MANSC1: variants seen among roughly 807,000 people sequenced by gnomAD.
MANSC1 encodes the protein MANSC domain-containing protein 1.
In MANSC1, 13 loss-of-function variants were observed where a neutral mutation model predicts 14.1. The observed-to-expected ratio is 0.92, with a 90% CI of 0.60 to 1.46. MANSC1 has a LOEUF of 1.46. Ranked by LOEUF, MANSC1 falls within the 40% of genes most tolerant of loss-of-function variation. The pLI is 0.00. For missense variants in MANSC1, 486 were observed against 511.4 expected, an observed-to-expected ratio of 0.95 and a Z score of 0.48; for synonymous variants, 227 against 200.7, an observed-to-expected ratio of 1.13 and a Z score of -1.11.
rs1392706987 is a variant in MANSC1 at position 12,327,716 on chromosome 12, T to C, written c.*2311A>G. 6.6e-6 allele frequency: 1 copy of C among 152,258 alleles called. No homozygotes were observed. Among genetic ancestry groups the C allele is most frequent in the Non-Finnish European group, 1.5e-5 (1 of 68,046 alleles). 9.4% of individuals were successfully genotyped at this position (152,258 alleles called of 1,614,324 possible). A position where few individuals can be genotyped will look rare whatever the true frequency, so the allele number is the denominator to read the frequency against. On this transcript the variant is annotated 3_prime_UTR_variant, in exon 4 of 4. Transcript: ENST00000535902. ...AAGTTAAATTGACTCAAGGTTTTAT[T>C]TATTCAGCCTACTTAAAGCTTATGT...
At chr12:12,342,308 TG>T (rs1862944527) in intron 2 of MANSC1, among the ~76,000 whole-genome samples, 2 of 152,262 alleles carry the variant, frequency 1.3e-5, no homozygotes, top group Non-Finnish European at 2.9e-5. Flanking sequence ...GTTTTCTCTC[TG>T]GCAACTAACA....
At chr12:12,331,338 TGGA>T (rs1565793169) in intron 3 of MANSC1, among the ~76,000 whole-genome samples, 1 of 152,068 alleles carries the variant, frequency 6.6e-6, no homozygotes, top group Non-Finnish European at 1.5e-5. Context: ...GAGAAATGTG[TGGA>T]GGAGGACCAG....
intron 1 of MANSC1, among the ~76,000 whole-genome samples, chr12:12,346,270 C>CAAA (rs146329722): frequency 1.4e-5 from 2 of 143,510 alleles, no homozygotes; most frequent in African/African-American, 5.1e-5. Flanking sequence ...GACTCCGTCT[C>CAAA]AAAAAAAAAA....
Position 12,327,051 on chromosome 12 carries a change from C to T in MANSC1, c.*2976G>A, listed in dbSNP as rs1401706872. ...TCTAGAACTCCTGACCTCAGGTGAT[C>T]CACCCACCTTGGACTCCCAAAGTGC... On this transcript the variant is annotated 3_prime_UTR_variant, in exon 4 of 4. Coordinates refer to ENST00000535902, the MANE Select transcript of MANSC1 (RefSeq NM_018050.4). The T allele has an allele frequency of 6.6e-6, 1 of 152,316 alleles. No individual in the cohort carries two copies. The highest frequency in any genetic ancestry group is 2.4e-5 in the African/African-American group (1 of 41,416). The allele number at this position is 152,316 out of a possible 1,614,324, so 9.4% of individuals were successfully genotyped here.
chr12:12,343,451 T>C (rs967926776), intron 1 of MANSC1, 37 bp from the exon 2 acceptor site: 27 of 598,908 alleles, frequency 4.5e-5, no homozygotes, highest in Non-Finnish European at 7.7e-5. Context: ...TGAGTTTTGT[T>C]TCTTTAACAA....
chr12:12,338,675 G>T, intron 2 of MANSC1, 115 bp from the exon 3 acceptor site: 2 of 937,750 alleles, frequency 2.1e-6, no homozygotes, highest in Non-Finnish European at 3.3e-6. Context: ...TGTTCATTTT[G>T]TTCACTTGCT....
At position 12,328,936 on chromosome 12, in the gene MANSC1, C is replaced by T. The variant is rs111747493; in HGVS notation, c.*1091G>A. 0.088 allele frequency: 13,248 copies of T among 150,938 alleles called. 647 individuals carry two copies. Among genetic ancestry groups the T allele is most frequent in the South Asian group, 0.13 (626 of 4,748 alleles). 9.3% of individuals were successfully genotyped at this position (150,938 alleles called of 1,614,324 possible). ...CCAGGAGGCGGAGCTGGCAGTGAGC[C>T]GAGATCGCGCCACTGCACTCTAGCC... On this transcript the variant is annotated 3_prime_UTR_variant, in exon 4 of 4. Coordinates refer to ENST00000535902, the MANE Select transcript of MANSC1 (RefSeq NM_018050.4).
At chr12:12,333,515 T>C (rs554545867) in intron 3 of MANSC1, among the ~76,000 whole-genome samples, 1 of 152,316 alleles carries the variant, frequency 6.6e-6, no homozygotes, top group South Asian at 2.1e-4. Context: ...CCAGTCCCAC[T>C]TCTTGATAAG....
intron 2 of MANSC1, among the ~76,000 whole-genome samples, chr12:12,340,356 G>A (rs2135994416): frequency 6.6e-6 from 1 of 152,306 alleles, no homozygotes; most frequent in African/African-American, 2.4e-5. Flanking sequence ...CTCCCGAGAT[G>A]GGAAGGAAGA....
rs2135996318 is a variant in MANSC1, at chr12:12,343,091, C to T, written c.223+1G>A. On this transcript the variant is annotated splice_donor_variant, in intron 2 of 3. Coordinates refer to ENST00000535902, the MANE Select transcript of MANSC1 (RefSeq NM_018050.4). LOFTEE classifies it high-confidence loss of function. ...AGGATTGCCAAGAAACCACTATTTA[C>T]CTGATATGTTTTTTGTTGAACAGCA... is the stretch of plus-strand genomic sequence containing the variant. 6.2e-7 allele frequency: 1 copy of T among 1,607,118 alleles called. No homozygotes were observed. The highest frequency in any genetic ancestry group is 1.1e-5 in the South Asian group (1 of 90,908).
At chr12:12,345,019 A>C (rs1034816892) in intron 1 of MANSC1, among the ~76,000 whole-genome samples, 3 of 137,264 alleles carry the variant, frequency 2.2e-5, no homozygotes, top group Non-Finnish European at 4.7e-5. Context: ...ACAACCTTGC[A>C]AAAAAGCTAT....
intron 1 of MANSC1, among the ~76,000 whole-genome samples, chr12:12,348,877 T>C (rs1863042221): frequency 6.6e-6 from 1 of 152,204 alleles, no homozygotes; most frequent in Admixed American, 6.5e-5. Context: ...ATATATCATG[T>C]CATTTAATCT....
At chr12:12,346,109 T>C (rs1220071843) in intron 1 of MANSC1, among the ~76,000 whole-genome samples, 1 of 152,092 alleles carries the variant, frequency 6.6e-6, no homozygotes, top group Non-Finnish European at 1.5e-5. Flanking sequence ...CCGTCTCTAC[T>C]AAAAATACAA....
At chr12:12,348,852 T>C (rs1371879601) in intron 1 of MANSC1, among the ~76,000 whole-genome samples, 2 of 152,204 alleles carry the variant, frequency 1.3e-5, no homozygotes, top group Non-Finnish European at 2.9e-5. Context: ...CCAGTTTCTA[T>C]GCTAAGCACT....
At chr12:12,349,713 G>T (rs577704443) in intron 1 of MANSC1, among the ~76,000 whole-genome samples, 4 of 152,328 alleles carry the variant, frequency 2.6e-5, no homozygotes, top group South Asian at 4.1e-4. Flanking sequence ...ACTCTACAGA[G>T]AATTAGACAA....
Position 12,343,419 on chromosome 12 carries a change from A to C in MANSC1, c.-100-5T>G. On this transcript the variant is annotated splice_region_variant and splice_polypyrimidine_tract_variant and intron_variant, in intron 1 of 3. Transcript: ENST00000535902. ...CACAGATGATGAGATTTCTCTCTAG[A>C]ACAAAAATGGAAAATCATCAATGAG... is the stretch of plus-strand genomic sequence containing the variant. 1.4e-6 allele frequency: 1 copy of C among 689,846 alleles called. No individual in the cohort carries two copies. Among genetic ancestry groups the C allele is most frequent in the Non-Finnish European group, 2.4e-6 (1 of 409,554 alleles). The allele number at this position is 689,846 out of a possible 1,614,324, so 42.7% of individuals were successfully genotyped here.
At position 12,338,455 on chromosome 12, in the gene MANSC1, G is replaced by A; in HGVS notation, c.329C>T (p.Pro110Leu). The stretch of plus-strand genomic sequence containing the variant: ...CCTGTAACTCATAAGTCCTTTTGCT[G>A]GTTTCAATGGACAGGCTTCCTCGTT... ...CPNEEACPLK[P>L]AKGLMSYRII... The change falls in exon 3 of 4, where the codon CCA becomes CTA. Residue 110 changes from proline (P) to leucine (L), a missense_variant. Physicochemically the swap from Pro to Leu is moderately conservative, Grantham distance 98. Transcript: ENST00000535902. The A allele has an allele frequency of 6.2e-7, 1 of 1,609,414 alleles. No homozygotes were observed.
intron 3 of MANSC1, among the ~76,000 whole-genome samples, chr12:12,331,963 G>A (rs1056167625): frequency 1.3e-5 from 2 of 152,054 alleles, no homozygotes; most frequent in South Asian, 4.1e-4. Context: ...GACACAGAGG[G>A]CAGAAAAACC....
chr12:12,343,059 G>A, intron 2 of MANSC1, 33 bp downstream of exon 2: 1 of 1,497,936 alleles, frequency 6.7e-7, no homozygotes, highest in Non-Finnish European at 9.3e-7. Flanking sequence ...CAAAACACAT[G>A]GAACAAAGGA....
Sources: gnomAD v4.1 joint callset for allele counts (sites outside exome capture counted in the v4.1 genomes callset) on GRCh38, gnomAD v4.1.1 for gene constraint, MANE v1.5 for transcripts, NCBI Gene and HGNC (gene_info 2026-07-23, HGNC 2026-07-21) for gene names.